Variants in CHLSN observed in about 807,000 individuals in gnomAD.
CHLSN encodes protein cholesin.
chr7:1,122,883 G>A, the CHLSN span, among the ~76,000 whole-genome samples: 67 of 152,340 alleles, frequency 4.4e-4, no homozygotes, highest in African/African-American at 1.5e-3. Flanking sequence ...CAGAGCTGAG[G>A]AGGACAGAAG....
chr7:986,056 G>A, the CHLSN span, among the ~76,000 whole-genome samples: 1 of 152,160 alleles, frequency 6.6e-6, no homozygotes, highest in South Asian at 2.1e-4. Context: ...TGCGTGGTCC[G>A]GGGCAGCCCC....
At chr7:1,033,284 G>A in the CHLSN span, among the ~76,000 whole-genome samples, 3 of 152,220 alleles carry the variant, frequency 2.0e-5, no homozygotes, top group Non-Finnish European at 2.9e-5. Context: ...TGGGCCGGGC[G>A]CAGTGGCTCA....
At chr7:980,880 G>C in the CHLSN span, among the ~76,000 whole-genome samples, 1 of 151,694 alleles carries the variant, frequency 6.6e-6, no homozygotes, top group African/African-American at 2.4e-5. Flanking sequence ...GTAGAGATGG[G>C]GTTTTGCCGT....
the CHLSN span, among the ~76,000 whole-genome samples, chr7:1,019,192 T>G: frequency 1.7e-5 from 1 of 57,732 alleles, no homozygotes; most frequent in African/African-American, 8.4e-5. Context: ...AGACTCTGTC[T>G]CAAAAAAAAA....
the CHLSN span, among the ~76,000 whole-genome samples, chr7:991,550 G>C: frequency 6.6e-6 from 1 of 152,236 alleles, no homozygotes; most frequent in Non-Finnish European, 1.5e-5. Flanking sequence ...GGCAGACCTG[G>C]GTGCCCGTTT....
chr7:1,092,261 G>A, the CHLSN span: 2 of 1,612,228 alleles, frequency 1.2e-6, no homozygotes, highest in Non-Finnish European at 1.7e-6. Flanking sequence ...CGGCTGAGCT[G>A]TGGCCTCATC....
chr7:987,198 C>T, the CHLSN span: 178 of 1,551,220 alleles, frequency 1.1e-4, 1 homozygote, highest in South Asian at 1.8e-3. Context: ...ACCTCGGCCA[C>T]GCTGCAGTGG....
At chr7:1,037,214 G>C in the CHLSN span, among the ~76,000 whole-genome samples, 1 of 143,548 alleles carries the variant, frequency 7.0e-6, no homozygotes, top group East Asian at 1.9e-4. Flanking sequence ...TAATAGTAAA[G>C]GAGAAATGCC....
the CHLSN span, chr7:1,093,456 T>C: frequency 2.1e-6 from 1 of 466,704 alleles, no homozygotes; most frequent in Non-Finnish European, 4.5e-6. Flanking sequence ...ATGGCAGCAA[T>C]GGCGCTGTGC....
chr7:1,043,407 A>G, the CHLSN span: 2 of 152,208 alleles, frequency 1.3e-5, no homozygotes, highest in Non-Finnish European at 2.9e-5. Flanking sequence ...ACACTAATCA[A>G]TCGTGTCTTA....
the CHLSN span, chr7:1,058,395 C>T: frequency 1.3e-6 from 1 of 780,612 alleles, no homozygotes; most frequent in Non-Finnish European, 2.4e-6. Flanking sequence ...TGTGACACCA[C>T]TTCTCTACCG....
the CHLSN span, among the ~76,000 whole-genome samples, chr7:998,514 G>A: frequency 7.5e-6 from 1 of 133,718 alleles, no homozygotes; most frequent in East Asian, 2.2e-4. Flanking sequence ...AGGCTGCAGT[G>A]CAGTGGCACG....
the CHLSN span, among the ~76,000 whole-genome samples, chr7:998,383 T>TG: frequency 2.6e-5 from 4 of 152,002 alleles, no homozygotes; most frequent in Admixed American, 2.6e-4. Context: ...ATGTGGGACT[T>TG]GCAAACGTCT....
chr7:988,028 G>GGTCCCCTCTGTGTGTCCTGGGGC, the CHLSN span, among the ~76,000 whole-genome samples: 3 of 150,710 alleles, frequency 2.0e-5, no homozygotes, highest in Non-Finnish European at 4.4e-5. Context: ...GTGTCCTGGG[G>GGTCCCCTCTGTGTGTCCTGGGGC]GTCCCCTCTG....
At chr7:1,123,053 G>C in the CHLSN span, among the ~76,000 whole-genome samples, 1 of 152,180 alleles carries the variant, frequency 6.6e-6, no homozygotes, top group Non-Finnish European at 1.5e-5. The surrounding 1 kb of genome is among the most constrained non-coding windows in gnomAD (Gnocchi z 4.4). Flanking sequence ...GGGATGGGGA[G>C]CTCAGCAAAC....
the CHLSN span, among the ~76,000 whole-genome samples, chr7:1,027,859 C>T: frequency 0.014 from 2,167 of 152,350 alleles, 35 homozygotes; most frequent in Non-Finnish European, 0.022. Context: ...GAGCTCGTGT[C>T]TCCCCCGGGG....
the CHLSN span, chr7:997,811 G>C: frequency 1.9e-6 from 3 of 1,603,250 alleles, no homozygotes; most frequent in African/African-American, 2.7e-5. Flanking sequence ...GAACCTGGAC[G>C]GGAAAGAGAT....
the CHLSN span, among the ~76,000 whole-genome samples, chr7:1,023,926 G>A: frequency 7.2e-5 from 11 of 151,980 alleles, no homozygotes; most frequent in African/African-American, 1.4e-4. The surrounding 1 kb of genome is among the most constrained non-coding windows in gnomAD (Gnocchi z 5.0). Context: ...CTGCAGCCTC[G>A]ACCTCCTGGG....
chr7:1,091,433 C>T, the CHLSN span: 4 of 383,190 alleles, frequency 1.0e-5, no homozygotes, highest in Non-Finnish European at 1.4e-5. Flanking sequence ...CAGCTCCACG[C>T]GGGACTGTGC....
Sources: gnomAD v4.1 joint callset for allele counts (sites outside exome capture counted in the v4.1 genomes callset) on GRCh38, gnomAD v4.1.1 for gene constraint, Gnocchi (gnomAD v3.1) non-coding constraint, MANE v1.5 for transcripts, NCBI Gene and HGNC (gene_info 2026-07-23, HGNC 2026-07-21) for gene names.